Variants in TMEM39A observed in about 807,000 individuals in gnomAD.
TMEM39A encodes the protein suppressor of SQST-1 aggregates in rpl-43 mutants.
A neutral mutation model predicts 51.9 loss-of-function variants in TMEM39A; 19 were observed. The observed-to-expected ratio is 0.37, with a 90% CI of 0.26 to 0.54. The LOEUF (loss-of-function observed/expected upper bound fraction) is 0.54, where lower values mean the gene tolerates loss of function less well. TMEM39A is among the 20% of genes least tolerant of loss of function. The pLI is 0.88. For synonymous variants in TMEM39A, 197 were observed against 220.2 expected, an observed-to-expected ratio of 0.89 and a Z score of 0.93; for missense variants, 433 against 590.5, an observed-to-expected ratio of 0.73 and a Z score of 2.76.
At position 119,437,938 on chromosome 3, in the gene TMEM39A, C is replaced by CGCAACAAGGAGA. The variant is rs2080995644; in HGVS notation, c.740_741insTCTCCTTGTTGC (p.Leu248_Lys249insLeuValAlaLeu). On this transcript the variant is annotated inframe_insertion, in exon 6 of 9. Transcript: ENST00000319172. The stretch of plus-strand genomic sequence containing the variant: ...TGGCATTATTAAACTGTTCTTTTAG[C>CGCAACAAGGAGA]GACTCCAGCAACAAGGAGAGAAAGT... The CGCAACAAGGAGA allele has an allele frequency of 1.9e-6, 3 of 1,613,912 alleles. 1 individual carries two copies. In the South Asian group the frequency reaches 3.3e-5, roughly 18 times the overall value.
At chr3:119,457,914 T>G in intron 3 of TMEM39A, 104 bp downstream of exon 3, 2 of 840,248 alleles carry the variant, frequency 2.4e-6, no homozygotes, top group South Asian at 3.9e-5. Context: ...AAAAACATTT[T>G]ATTAAAAGAA....
chr3:119,462,138 C>G lies in TMEM39A; in HGVS notation c.-64G>C. 7.9e-7 allele frequency: 1 copy of G among 1,271,102 alleles called. No individual in the cohort carries two copies. Among genetic ancestry groups the G allele is most frequent in the Admixed American group, 1.9e-5 (1 of 52,570 alleles). The allele number at this position is 1,271,102 out of a possible 1,614,324, so 78.7% of individuals were successfully genotyped here. A position where few individuals can be genotyped will look rare whatever the true frequency, so the allele number is the denominator to read the frequency against. Reference sequence around the variant, plus strand: ...GCAACCCAGGTTAATGGTTGTCAACCAGTTTCAACTCTGAACGACAACAAA... The same window carrying G: ...GCAACCCAGGTTAATGGTTGTCAACGAGTTTCAACTCTGAACGACAACAAA... On this transcript the variant is annotated 5_prime_UTR_variant, in exon 2 of 9. Coordinates refer to ENST00000319172, the MANE Select transcript of TMEM39A (RefSeq NM_018266.3).
chr3:119,431,881 A>G lies in TMEM39A; in HGVS notation c.*100T>C. 2.4e-6 allele frequency: 2 copies of G among 840,450 alleles called. No homozygotes were observed. Among genetic ancestry groups the G allele is most frequent in the Middle Eastern group, 3.8e-4 (1 of 2,664 alleles). The allele number at this position is 840,450 out of a possible 1,614,324, so 52.1% of individuals were successfully genotyped here. ...CGACTTTCAAAACATAATAGTATAC[A>G]AAATATAAAATATCTTAAATATTTA... is the stretch of plus-strand genomic sequence containing the variant. On this transcript the variant is annotated 3_prime_UTR_variant, in exon 9 of 9. Coordinates refer to ENST00000319172, the MANE Select transcript of TMEM39A (RefSeq NM_018266.3).
chr3:119,452,344 T>A, intron 4 of TMEM39A, 103 bp downstream of exon 4: 2 of 767,716 alleles, frequency 2.6e-6, no homozygotes, highest in Non-Finnish European at 4.3e-6. Flanking sequence ...AGTAAAGTAA[T>A]TTATTGTTTC....
chr3:119,450,895 T>C (rs537895711), intron 4 of TMEM39A, among the ~76,000 whole-genome samples: 2 of 145,918 alleles, frequency 1.4e-5, no homozygotes, highest in Non-Finnish European at 3.0e-5. Flanking sequence ...AAAGCTGCTA[T>C]ACTACTTTTA....
chr3:119,451,953 T>TA (rs1372536689), intron 4 of TMEM39A, among the ~76,000 whole-genome samples: 1 of 152,132 alleles, frequency 6.6e-6, no homozygotes, highest in Non-Finnish European at 1.5e-5. Flanking sequence ...TCACTAAACT[T>TA]AGATTCTAAT....
At chr3:119,435,103 A>T (rs2080950979) in intron 7 of TMEM39A, 1 of 984,816 alleles carries the variant, frequency 1.0e-6, no homozygotes, top group Non-Finnish European at 1.2e-6. Context: ...GCAAAGAAAT[A>T]TAGTTAACTC....
intron 3 of TMEM39A, among the ~76,000 whole-genome samples, chr3:119,454,234 G>A (rs558267096): frequency 6.6e-6 from 1 of 152,214 alleles, no homozygotes; most frequent in African/African-American, 2.4e-5. Flanking sequence ...AGTAGCAATG[G>A]AGATGGAATT....
At chr3:119,432,810 C>A (rs1560007128) in intron 8 of TMEM39A, among the ~76,000 whole-genome samples, 1 of 152,088 alleles carries the variant, frequency 6.6e-6, no homozygotes, top group Admixed American at 6.6e-5. Context: ...AAATCCTCTA[C>A]ACCATATACC....
chr3:119,435,053 T>G (rs2107658591), intron 7 of TMEM39A, 171 bp from the exon 8 acceptor site: 1 of 967,370 alleles, frequency 1.0e-6, no homozygotes, highest in East Asian at 1.1e-4. Context: ...TAGAAAGGAT[T>G]TGTTACTTTA....
chr3:119,454,703 T>C, intron 3 of TMEM39A, among the ~76,000 whole-genome samples: 1 of 152,030 alleles, frequency 6.6e-6, no homozygotes, highest in Non-Finnish European at 1.5e-5. Flanking sequence ...GGCAGGAGAA[T>C]CGCTGAACCA....
rs1321904081 is a variant in TMEM39A at position 119,429,587 on chromosome 3, T to C, written c.*2394A>G. On this transcript the variant is annotated 3_prime_UTR_variant, in exon 9 of 9. Coordinates refer to ENST00000319172, the MANE Select transcript of TMEM39A (RefSeq NM_018266.3). ...GTCCCTTCTGTTACATGAACTATAA[T>C]AGGATATCCGGGTAACTAGTAATTT... 1.3e-5 allele frequency: 2 copies of C among 152,126 alleles called. No individual in the cohort carries two copies. The highest frequency in any genetic ancestry group is 4.1e-4 in the South Asian group (2 of 4,834). The allele number at this position is 152,126 out of a possible 1,614,324, so 9.4% of individuals were successfully genotyped here.
rs903895797 is a variant in TMEM39A at position 119,463,388 on chromosome 3, T to C, written c.-127A>G. 12 of 390,762 alleles carry C rather than the reference T, an allele frequency of 3.1e-5. No homozygotes were observed. The highest frequency in any genetic ancestry group is 2.5e-4 in the African/African-American group (12 of 48,384). 24.2% of individuals were successfully genotyped at this position (390,762 alleles called of 1,614,324 possible). The stretch of plus-strand genomic sequence containing the variant: ...GGGGTCCCTAGAAAGCGGCGACAAC[T>C]TTACAGACTGGACCCCAGGTAAGGG... On this transcript the variant is annotated 5_prime_UTR_variant, in exon 1 of 9. Coordinates refer to ENST00000319172, the MANE Select transcript of TMEM39A (RefSeq NM_018266.3).
rs77902486 is a variant in TMEM39A at position 119,454,400 on chromosome 3, C to T, written c.337-1870G>A. Among the ~76,000 whole-genome samples, 1,118 of 152,304 alleles carry T rather than the reference C, an allele frequency of 7.3e-3. 21 individuals are homozygous for T. The highest frequency in any genetic ancestry group is 0.026 in the African/African-American group (1,069 of 41,562). On this transcript the variant is annotated intron_variant, in intron 3 of 8. Coordinates refer to ENST00000319172, the MANE Select transcript of TMEM39A (RefSeq NM_018266.3). ...TATTTTTGGGACTCCTCCTTGCCTA[C>T]CCTACTCCTCCAAAATAATGCATGC...
intron 7 of TMEM39A, chr3:119,436,014 C>A: frequency 9.5e-7 from 1 of 1,049,298 alleles, no homozygotes; most frequent in Non-Finnish European, 1.3e-6. Flanking sequence ...CTCAATCTGT[C>A]CCACTTAACT....
At chr3:119,450,850 A>C (rs968831572) in intron 4 of TMEM39A, among the ~76,000 whole-genome samples, 2 of 151,222 alleles carry the variant, frequency 1.3e-5, no homozygotes, top group South Asian at 4.2e-4. Flanking sequence ...AAAAAAAAAA[A>C]AGAATTGCAA....
intron 1 of TMEM39A, 34 bp downstream of exon 1, chr3:119,463,302 C>T: frequency 3.1e-6 from 1 of 325,484 alleles, no homozygotes; most frequent in Non-Finnish European, 5.5e-6. Flanking sequence ...AGGTCCAGGA[C>T]AGCCGGACCT....
chr3:119,448,529 A>C (rs1577059188), intron 4 of TMEM39A, among the ~76,000 whole-genome samples: 1 of 152,342 alleles, frequency 6.6e-6, no homozygotes, highest in East Asian at 1.9e-4. Flanking sequence ...TATATACAGC[A>C]TATATACGTA....
intron 7 of TMEM39A, chr3:119,435,332 T>G (rs1397015911): frequency 1.0e-6 from 1 of 985,202 alleles, no homozygotes. Flanking sequence ...ACTGCAGAAT[T>G]ACATCCCAAA....
Sources: allele counts gnomAD v4.1 joint callset (sites outside exome capture counted in the v4.1 genomes callset), GRCh38; gene constraint gnomAD v4.1.1; transcripts MANE v1.5; gene names NCBI Gene and HGNC (gene_info 2026-07-23, HGNC 2026-07-21).